Variants in TMPRSS9 observed in about 807,000 individuals in gnomAD.
TMPRSS9 encodes the protein transmembrane serine protease 9, also known as transmembrane protease serine 9.
A neutral mutation model predicts 111.4 loss-of-function variants in TMPRSS9; 113 were observed. The observed-to-expected ratio is 1.01, with a 90% CI of 0.87 to 1.19. TMPRSS9 has a LOEUF of 1.19. Among genes scored for constraint, TMPRSS9 ranks in the 50% most tolerant of loss-of-function variants. TMPRSS9 has a pLI of 0.00. For missense variants in TMPRSS9, 1,803 were observed against 1,513.1 expected, an observed-to-expected ratio of 1.19 and a Z score of -3.18; for synonymous variants, 805 against 659.1, an observed-to-expected ratio of 1.22 and a Z score of -3.39.
At chr19:2,416,315 T>G in intron 11 of TMPRSS9, 1 of 582,382 alleles carries the variant, frequency 1.7e-6, no homozygotes. Flanking sequence ...AGCCTGAGGG[T>G]CCCCTGACTT....
intron 1 of TMPRSS9, among the ~76,000 whole-genome samples, chr19:2,364,784 G>T (rs1252418992): frequency 1.3e-5 from 2 of 151,838 alleles, no homozygotes; most frequent in Non-Finnish European, 2.9e-5. Context: ...AGGAGATCGA[G>T]ACCATCCTGG....
chr19:2,369,843 C>G (rs1970274988), intron 1 of TMPRSS9, among the ~76,000 whole-genome samples: 2 of 151,970 alleles, frequency 1.3e-5, no homozygotes, highest in African/African-American at 4.8e-5. Context: ...CATGGTTTGG[C>G]TGGATCCTCT....
At chr19:2,417,283 T>A (rs138627505) in intron 12 of TMPRSS9, among the ~76,000 whole-genome samples, 5,691 of 152,046 alleles carry the variant, frequency 0.037, 139 homozygotes, top group Middle Eastern at 0.058. Flanking sequence ...CTGGCCAACA[T>A]GGTGAAACCC....
At chr19:2,388,433 A>C (rs781489313), upstream of TMPRSS9, among the ~76,000 whole-genome samples, 36 of 152,076 alleles carry the variant, frequency 2.4e-4, no homozygotes, top group Non-Finnish European at 4.3e-4. Flanking sequence ...AGAGACTGGA[A>C]GAGGCTGCAC....
intron 1 of TMPRSS9, among the ~76,000 whole-genome samples, chr19:2,390,539 G>A (rs373264425): frequency 6.8e-6 from 1 of 147,848 alleles, no homozygotes; most frequent in African/African-American, 2.5e-5. Context: ...CACCGCGCCC[G>A]GCCCCAAAAG....
chr19:2,394,831 T>A (rs1970674416), intron 1 of TMPRSS9, among the ~76,000 whole-genome samples: 1 of 152,212 alleles, frequency 6.6e-6, no homozygotes, highest in East Asian at 1.9e-4. Context: ...TAACGTATTT[T>A]TGACCAAAAC....
In TMPRSS9 at chr19:2,411,771, C is replaced by T. The variant is rs139565115; in HGVS notation, c.1254+1377C>T. Among the ~76,000 whole-genome samples, 952 of 152,188 alleles carry T rather than the reference C, an allele frequency of 6.3e-3. 11 individuals are homozygous for T. The highest frequency in any genetic ancestry group is 0.011 in the Non-Finnish European group (750 of 68,006). On this transcript the variant is annotated intron_variant, in intron 9 of 17. Transcript: ENST00000648592. ...TTCGCCATGTTGGCCAGGCTGGTCTCGAAATCCTGGCTTCAGGTGATCTGC... is the reference window on the plus strand; with the variant it reads ...TTCGCCATGTTGGCCAGGCTGGTCTTGAAATCCTGGCTTCAGGTGATCTGC...
chr19:2,379,600 AAACT>A (rs1488267984), intron 1 of TMPRSS9, among the ~76,000 whole-genome samples: 1 of 129,408 alleles, frequency 7.7e-6, no homozygotes, highest in African/African-American at 3.0e-5. Context: ...GACATTCCCT[AAACT>A]AACTTTCTTT....
chr19:2,424,923 G>A (rs1971570556), intron 15 of TMPRSS9, 79 bp from the exon 17 acceptor site: 4 of 1,357,966 alleles, frequency 2.9e-6, no homozygotes, highest in Admixed American at 3.7e-5. Context: ...GGTGCCAGCC[G>A]GCCGCTGGGG....
At chr19:2,393,430 G>A (rs531799419) in intron 1 of TMPRSS9, among the ~76,000 whole-genome samples, 2 of 152,264 alleles carry the variant, frequency 1.3e-5, no homozygotes, top group Non-Finnish European at 2.9e-5. Flanking sequence ...CCAGAAGGAA[G>A]AAATTCCGAA....
At chr19:2,391,719 C>A (rs931943902) in intron 1 of TMPRSS9, among the ~76,000 whole-genome samples, 1 of 150,254 alleles carries the variant, frequency 6.7e-6, no homozygotes, top group Non-Finnish European at 1.5e-5. Context: ...CCATCAGGAC[C>A]CCCCTGAAAG....
rs577697213 is a variant in TMPRSS9, at chr19:2,412,174, G to A, written c.1255-1526G>A. Among the ~76,000 whole-genome samples, 8 of 152,110 alleles carry A rather than the reference G, an allele frequency of 5.3e-5. No individual in the cohort carries two copies. The South Asian group carries it at 6.2e-4, about 12-fold the overall frequency. On this transcript the variant is annotated intron_variant, in intron 9 of 17. Transcript: ENST00000648592. ...TTTGGGAGGCTGAGGCAGCCAGGTC[G>A]CTTGAGGCCAGGAGTTTGAGACCAG...
chr19:2,395,433 A>G (rs1970685896), intron 1 of TMPRSS9, among the ~76,000 whole-genome samples: 1 of 151,430 alleles, frequency 6.6e-6, no homozygotes, highest in East Asian at 2.0e-4. Flanking sequence ...ACCCTATCTC[A>G]AAACAAACAA....
chr19:2,368,778 T>TTTTTTTTTTTTG, intron 1 of TMPRSS9, among the ~76,000 whole-genome samples: 1 of 100,572 alleles, frequency 9.9e-6, no homozygotes, highest in East Asian at 2.8e-4. Context: ...AACCCAGTTT[T>TTTTTTTTTTTTG]TTTTTTTTTT....
chr19:2,366,254 G>A (rs1970247271), intron 1 of TMPRSS9, among the ~76,000 whole-genome samples: 1 of 151,888 alleles, frequency 6.6e-6, no homozygotes, highest in African/African-American at 2.4e-5. Context: ...GGCCGAGGTG[G>A]GAGGATTGCT....
chr19:2,368,777 T>TTTTTTTTTTC, intron 1 of TMPRSS9, among the ~76,000 whole-genome samples: 1 of 99,648 alleles, frequency 1.0e-5, no homozygotes, highest in Non-Finnish European at 1.9e-5. Flanking sequence ...AAACCCAGTT[T>TTTTTTTTTTC]TTTTTTTTTT....
At chr19:2,416,927 C>G (rs1971253005) in intron 12 of TMPRSS9, 118 bp downstream of exon 13, 1 of 1,293,842 alleles carries the variant, frequency 7.7e-7, no homozygotes, top group Admixed American at 2.7e-5. Flanking sequence ...ACAGGGACCT[C>G]TGTGGCTGAT....
chr19:2,424,391 G>A, intron 15 of TMPRSS9, 134 bp downstream of exon 16: 1 of 981,392 alleles, frequency 1.0e-6, no homozygotes, highest in Non-Finnish European at 1.3e-6. Context: ...CACTGCCCCA[G>A]GCCACTCCTC....
rs115219236 is a variant in TMPRSS9 at position 2,419,106 on chromosome 19, C to T, written c.2154+968C>T. 3.3e-3 allele frequency among the ~76,000 whole-genome samples: 194 copies of T among 58,588 alleles called. 6 individuals are homozygous for T. The highest frequency in any genetic ancestry group is 0.014 in the African/African-American group (184 of 13,022). 38.4% of individuals were successfully genotyped at this position (58,588 alleles called of 152,430 possible). A position where few individuals can be genotyped will look rare whatever the true frequency, so the allele number is the denominator to read the frequency against. ...TTCCCTTCCCTCCCACCGTCTCCTT[C>T]CCTCCCTCCCTTTCCTTCTCTTCCC... is the stretch of plus-strand genomic sequence containing the variant. On this transcript the variant is annotated intron_variant, in intron 13 of 17. Transcript: ENST00000648592.
Sources: gnomAD v4.1 joint callset for allele counts (sites outside exome capture counted in the v4.1 genomes callset) on GRCh38, gnomAD v4.1.1 for gene constraint, MANE v1.5 for transcripts, NCBI Gene and HGNC (gene_info 2026-07-23, HGNC 2026-07-21) for gene names.